The following ABCB9 variants were observed in gnomAD, a reference collection of about 807,000 sequenced individuals.
ABCB9 encodes ATP binding cassette subfamily B member 9.
ABCB9 carries 36 observed loss-of-function variants against 62.0 expected under a neutral mutation model. The ratio of observed to expected loss-of-function variants is 0.58; its 90% CI spans 0.45 to 0.77. The LOEUF is 0.77. ABCB9 is among the 30% of genes least tolerant of loss of function. The pLI is 0.00. For missense variants in ABCB9, 943 were observed against 1,054.7 expected (o/e 0.89, Z 1.47); for synonymous variants, 435 against 461.4 (o/e 0.94, Z 0.73).
intron 2 of ABCB9, among the ~76,000 whole-genome samples, chr12:122,956,361 TG>T (rs1309378909): frequency 6.6e-6 from 1 of 152,158 alleles, no homozygotes; most frequent in Non-Finnish European, 1.5e-5. Context: ...GTTGAGGAGA[TG>T]GGACTGAGAG....
chr12:122,945,553 G>A (rs1395945181), intron 6 of ABCB9, among the ~76,000 whole-genome samples: 1 of 152,172 alleles, frequency 6.6e-6, no homozygotes, highest in African/African-American at 2.4e-5. Context: ...CCCCACGTCA[G>A]GTGACTGGGA....
downstream of ABCB9, among the ~76,000 whole-genome samples, chr12:122,924,041 G>A (rs776127150): frequency 4.6e-5 from 7 of 152,160 alleles, no homozygotes; most frequent in Non-Finnish European, 1.0e-4. Flanking sequence ...GGGCTCCTAG[G>A]ACCCCAAGTC....
intron 9 of ABCB9, among the ~76,000 whole-genome samples, chr12:122,937,447 A>G (rs1161067098): frequency 6.6e-6 from 1 of 152,164 alleles, no homozygotes; most frequent in Admixed American, 6.6e-5. Context: ...ATATATGAAA[A>G]GGTGTTTAAT....
chr12:122,960,687 G>A (rs2036844913), intron 1 of ABCB9, among the ~76,000 whole-genome samples: 1 of 151,744 alleles, frequency 6.6e-6, no homozygotes, highest in Non-Finnish European at 1.5e-5. Context: ...AGACCAGCCT[G>A]GCCAACATGG....
At chr12:122,920,783 C>T (rs1233709796), downstream of ABCB9, among the ~76,000 whole-genome samples, 1 of 151,910 alleles carries the variant, frequency 6.6e-6, no homozygotes, top group Admixed American at 6.6e-5. Flanking sequence ...CATGGTGGCA[C>T]ATGCCTGTAG....
chr12:122,974,190 T>C (rs1386702714), intron 1 of ABCB9, among the ~76,000 whole-genome samples: 1 of 152,082 alleles, frequency 6.6e-6, no homozygotes, highest in Admixed American at 6.6e-5. Context: ...CTGGGCCTCC[T>C]GGGGAAAAAG....
chr12:122,955,682 T>C (rs1240904470), intron 2 of ABCB9, among the ~76,000 whole-genome samples: 1 of 152,114 alleles, frequency 6.6e-6, no homozygotes, highest in East Asian at 1.9e-4. Context: ...GTGCCCAGCA[T>C]AAATGCATAG....
Position 122,935,367 on chromosome 12 carries a change from C to G in ABCB9, c.1808G>C (p.Gly603Ala). 1 of 1,614,052 alleles carries G rather than the reference C, an allele frequency of 6.2e-7. No individual in the cohort carries two copies. The highest frequency in any genetic ancestry group is 8.5e-7 in the Non-Finnish European group (1 of 1,180,006). Reference sequence around the variant, plus strand: ...CATCTCGAAAGGCACAGTGGGCAGGCCGTAGGAGATGTTATCCGTGATGGA... The same window carrying G: ...CATCTCGAAAGGCACAGTGGGCAGGGCGTAGGAGATGTTATCCGTGATGGA... ...ARSITDNISY[G>A]LPTVPFEMVV... Residue 603 changes from glycine to alanine, a missense_variant, in exon 10 of 12, where the codon GGC (glycine) becomes GCC (alanine). By Grantham distance (60) the Gly-to-Ala change is moderately conservative. Coordinates refer to ENST00000280560, the MANE Select transcript of ABCB9 (RefSeq NM_019625.4).
chr12:122,966,925 A>T (rs1175482583), upstream of ABCB9, among the ~76,000 whole-genome samples: 1 of 152,240 alleles, frequency 6.6e-6, no homozygotes, highest in Non-Finnish European at 1.5e-5. Flanking sequence ...TCCAGTGCCT[A>T]CGGCGTGCCA....
Position 122,929,915 on chromosome 12 carries a change from GC to G in ABCB9, c.2296del (p.Ala766ProfsTer78), listed in dbSNP as rs773239856. On this transcript the variant is annotated frameshift_variant, in exon 12 of 12. Coordinates refer to ENST00000280560, the MANE Select transcript of ABCB9 (RefSeq NM_019625.4). LOFTEE classifies it high-confidence loss of function. The surrounding 1 kb of genome is among the most constrained non-coding windows in gnomAD (Gnocchi z 6.0). ...GGGAGAAGCAGGGGCCCCCCATCAGGCCTTGTGACTGCCGTTGGCTACAGGC... is the reference window on the plus strand; with the variant it reads ...GGGAGAAGCAGGGGCCCCCCATCAGGCTTGTGACTGCCGTTGGCTACAGGC... ...NEPVANGSHK[A>X] The G allele has an allele frequency of 4.5e-6, 7 of 1,546,472 alleles. No homozygotes were observed. In the African/African-American group the frequency reaches 9.4e-5, roughly 21 times the overall value.
intron 1 of ABCB9, among the ~76,000 whole-genome samples, chr12:122,973,578 GAAAAAAAAAAAAA>G (rs57853191): frequency 4.8e-4 from 24 of 50,340 alleles, no homozygotes; most frequent in Admixed American, 1.3e-3. Flanking sequence ...CTCAAAAAAA[GAAAAAAAAAAAAA>G]AAAAAAAAAA....
rs767833916 is a variant in ABCB9 at position 122,948,743 on chromosome 12, C to T, written c.934G>A (p.Val312Ile). 2.5e-6 allele frequency: 4 copies of T among 1,613,314 alleles called. No homozygotes were observed. ...AAGACCACCACGCCCGTGACCTTGA[C>T]TGTGTTCCGCAGGAAGACATTGATG... ...QNINVFLRNT[V>I]KVTGVVVFMF... Residue 312 changes from valine (V) to isoleucine (I), a missense_variant, in exon 5 of 12, where the codon GTC (valine) becomes ATC (isoleucine). Physicochemically the swap from Val to Ile is conservative, Grantham distance 29 (BLOSUM62 3). Transcript: ENST00000280560.
chr12:122,921,100 T>C (rs1490575570), intron 11 of ABCB9: 4 of 1,515,262 alleles, frequency 2.6e-6, no homozygotes, highest in African/African-American at 1.4e-5. Context: ...GGAGTCTGCT[T>C]AATGCCTCTG....
chr12:122,968,598 C>A (rs1450185910), upstream of ABCB9, among the ~76,000 whole-genome samples: 2 of 147,684 alleles, frequency 1.4e-5, no homozygotes, highest in Non-Finnish European at 3.0e-5. Context: ...TTCCAGCGAT[C>A]AAGTTTGCAA....
chr12:122,967,686 G>A (rs1354055297), upstream of ABCB9, among the ~76,000 whole-genome samples: 2 of 152,214 alleles, frequency 1.3e-5, no homozygotes, highest in South Asian at 4.1e-4. Context: ...ATGGGGTTTA[G>A]CCATGTTGGC....
At chr12:122,957,125 C>G (rs1471954602) in intron 2 of ABCB9, among the ~76,000 whole-genome samples, 4 of 151,868 alleles carry the variant, frequency 2.6e-5, no homozygotes, top group Non-Finnish European at 4.4e-5. Flanking sequence ...CACTATAACT[C>G]AAGCTCCTGA....
intron 2 of ABCB9, among the ~76,000 whole-genome samples, chr12:122,955,407 T>C (rs895690343): frequency 3.3e-5 from 5 of 152,248 alleles, no homozygotes; most frequent in Admixed American, 6.5e-5. Context: ...GGGCACCATC[T>C]GTCTGCACAG....
Position 122,964,482 on chromosome 12 carries a change from G to GC in ABCB9, c.-88+1804dup, listed in dbSNP as rs1258321559. On this transcript the variant is annotated intron_variant, in intron 1 of 11. Transcript: ENST00000280560. This position sits in a 1 kb window ranked among gnomAD's most constrained non-coding sequence, Gnocchi z 4.7. ...GAGCAGTGCTAGCACCTGGGTCCCT[G>GC]CCCCCAAGCACTAGTCCTTCTACCA... Among the ~76,000 whole-genome samples, 6 of 152,234 alleles carry GC rather than the reference G, an allele frequency of 3.9e-5. No individual in the cohort carries two copies. Among genetic ancestry groups the GC allele is most frequent in the Admixed American group, 2.6e-4 (4 of 15,286 alleles).
downstream of ABCB9, among the ~76,000 whole-genome samples, chr12:122,919,889 A>ATTTATTT (rs1555268647): frequency 9.8e-5 from 11 of 111,740 alleles, no homozygotes; most frequent in African/African-American, 4.3e-4. Flanking sequence ...TTGTTTATTT[A>ATTTATTT]TTTATTTATT....
Sources: gnomAD v4.1 joint callset for allele counts (sites outside exome capture counted in the v4.1 genomes callset) on GRCh38, gnomAD v4.1.1 for gene constraint, Gnocchi (gnomAD v3.1) non-coding constraint, MANE v1.5 for transcripts, NCBI Gene and HGNC (gene_info 2026-07-23, HGNC 2026-07-21) for gene names.